The following ADAMTSL1 variants were observed in gnomAD, a reference collection of about 807,000 sequenced individuals.
The protein encoded by ADAMTSL1 is ADAMTS like 1.
ADAMTSL1 carries 126 observed loss-of-function variants against 201.8 expected under a neutral mutation model. The ratio of observed to expected loss-of-function variants is 0.62; its 90% CI spans 0.54 to 0.72. The LOEUF is 0.72. ADAMTSL1 is among the 30% of genes least tolerant of loss of function. ADAMTSL1 has a pLI of 0.00. For synonymous variants in ADAMTSL1, 1,121 were observed against 903.4 expected (o/e 1.24, Z -4.32); for missense variants, 2,679 against 2,277.8 (o/e 1.18, Z -3.59).
intron 2 of ADAMTSL1, among the ~76,000 whole-genome samples, chr9:18,365,705 G>C (rs1473687802): frequency 6.6e-6 from 1 of 152,000 alleles, no homozygotes; most frequent in Non-Finnish European, 1.5e-5. Flanking sequence ...AAAGAAAATG[G>C]GGGAGCACGA....
In ADAMTSL1 at chr9:18,615,422, C is replaced by T. The variant is rs74476171; in HGVS notation, c.475-6821C>T. On this transcript the variant is annotated intron_variant, in intron 4 of 28. Coordinates refer to ENST00000380548, the MANE Select transcript of ADAMTSL1 (RefSeq NM_001040272.6). The stretch of plus-strand genomic sequence containing the variant: ...AGGCACAGATCACAGATGAAACCAT[C>T]GTTCATCCCTGTGCGTAAGTGTAGC... Among the ~76,000 whole-genome samples, 1,370 of 152,272 alleles carry T rather than the reference C, an allele frequency of 9.0e-3. 25 individuals carry two copies. The highest frequency in any genetic ancestry group is 0.032 in the African/African-American group (1,311 of 41,548).
At chr9:18,017,574 A>G (rs558240337) in intron 1 of ADAMTSL1, among the ~76,000 whole-genome samples, 4 of 151,948 alleles carry the variant, frequency 2.6e-5, no homozygotes, top group African/African-American at 7.2e-5. Context: ...GAAGCCATGT[A>G]TAGCTCCAAT....
At chr9:18,706,121 G>C (rs1243321831) in intron 13 of ADAMTSL1, among the ~76,000 whole-genome samples, 3 of 152,194 alleles carry the variant, frequency 2.0e-5, no homozygotes, top group African/African-American at 7.2e-5. Context: ...TGCTAAACTA[G>C]GGGTAGATTA....
At chr9:18,754,513 A>G (rs960295173) in intron 16 of ADAMTSL1, among the ~76,000 whole-genome samples, 11 of 152,268 alleles carry the variant, frequency 7.2e-5, no homozygotes, top group African/African-American at 2.4e-4. Flanking sequence ...TTCACTCTCA[A>G]AAGTGTCCCA....
chr9:17,931,118 C>G (rs530317501), intron 1 of ADAMTSL1, among the ~76,000 whole-genome samples: 7 of 152,270 alleles, frequency 4.6e-5, no homozygotes, highest in African/African-American at 1.7e-4. Context: ...TATTGCATGT[C>G]CCGTTCATAA....
chr9:18,258,969 C>A lies in ADAMTSL1; in HGVS notation c.207+94988C>A, dbSNP rs1014604315. Among the ~76,000 whole-genome samples the A allele has an allele frequency of 2.6e-5, 4 of 152,314 alleles. No homozygotes were observed. The East Asian group carries it at 7.7e-4, about 29-fold the overall frequency. On this transcript the variant is annotated intron_variant, in intron 2 of 29. Transcript: ENST00000680146. ...TCCTCAGTCCTTACCAGAATTGCCA[C>A]GATCATTCAACGCACTTGACGACTC...
At position 18,166,595 on chromosome 9, in the gene ADAMTSL1, T is replaced by C. The variant is rs572335540; in HGVS notation, c.207+2614T>C. ...GGGATGTTTGCCAACTGGAAATTGA[T>C]AGTTGTGGAAGTAACAAATGTATCC... is the stretch of plus-strand genomic sequence containing the variant. On this transcript the variant is annotated intron_variant, in intron 2 of 29. Coordinates refer to the ADAMTSL1 transcript ENST00000680146. Among the ~76,000 whole-genome samples, 3 of 152,026 alleles carry C rather than the reference T, an allele frequency of 2.0e-5. No homozygotes were observed. In the South Asian group the frequency reaches 6.2e-4, roughly 32 times the overall value.
Position 18,221,143 on chromosome 9 carries a change from C to T in ADAMTSL1, c.207+57162C>T, listed in dbSNP as rs552134367. On this transcript the variant is annotated intron_variant, in intron 2 of 29. Coordinates refer to the ADAMTSL1 transcript ENST00000680146. ...TCTAAATTAGTAGATATCATGCCTT[C>T]CTCCTGAAAGGCTGTAGAATGTTTA... Among the ~76,000 whole-genome samples, 129 of 152,268 alleles carry T rather than the reference C, an allele frequency of 8.5e-4. 1 individual carries two copies. The highest frequency in any genetic ancestry group is 6.8e-3 in the Middle Eastern group (2 of 294).
intron 14 of ADAMTSL1, among the ~76,000 whole-genome samples, chr9:18,708,419 T>C (rs1251066410): frequency 6.6e-6 from 1 of 152,224 alleles, no homozygotes; most frequent in African/African-American, 2.4e-5. Flanking sequence ...ACCTAAATTC[T>C]TCCAAATGAT....
At chr9:18,115,005 T>A (rs760795119) in intron 1 of ADAMTSL1, among the ~76,000 whole-genome samples, 8 of 152,184 alleles carry the variant, frequency 5.3e-5, no homozygotes, top group Non-Finnish European at 7.4e-5. Flanking sequence ...TCAATGATAA[T>A]TGAATCGATT....
intron 2 of ADAMTSL1, among the ~76,000 whole-genome samples, chr9:18,317,225 G>T (rs982514286): frequency 3.3e-5 from 5 of 152,048 alleles, no homozygotes; most frequent in Non-Finnish European, 5.9e-5. Context: ...TGATTACCAG[G>T]GGCTAGAGGA....
intron 20 of ADAMTSL1, among the ~76,000 whole-genome samples, chr9:18,808,139 G>C (rs1823280235): frequency 6.6e-6 from 1 of 152,040 alleles, no homozygotes; most frequent in South Asian, 2.1e-4. Context: ...ACCAGTTAAA[G>C]AAAAACTAAA....
intron 2 of ADAMTSL1, among the ~76,000 whole-genome samples, chr9:18,307,940 TGGAAGTAAA>T: frequency 6.6e-6 from 1 of 152,214 alleles, no homozygotes; most frequent in East Asian, 1.9e-4. Flanking sequence ...ACCACATAAT[TGGAAGTAAA>T]ACAGTCCTCA....
intron 14 of ADAMTSL1, among the ~76,000 whole-genome samples, chr9:18,707,896 C>G (rs1832321672): frequency 6.6e-6 from 1 of 152,142 alleles, no homozygotes; most frequent in Admixed American, 6.5e-5. Flanking sequence ...GCATTGAAAT[C>G]AACAACTGAT....
At chr9:18,865,726 C>T (rs1827488356) in intron 23 of ADAMTSL1, among the ~76,000 whole-genome samples, 1 of 152,126 alleles carries the variant, frequency 6.6e-6, no homozygotes, top group South Asian at 2.1e-4. Flanking sequence ...TATTTTCTTT[C>T]AGTGGTTAAG....
intron 2 of ADAMTSL1, among the ~76,000 whole-genome samples, chr9:18,347,010 A>C (rs1332565991): frequency 6.6e-6 from 1 of 152,178 alleles, no homozygotes; most frequent in Non-Finnish European, 1.5e-5. Context: ...AGACAAATAC[A>C]CAGAGCTCTG....
intron 2 of ADAMTSL1, among the ~76,000 whole-genome samples, chr9:18,257,904 A>G (rs2132520473): frequency 6.6e-6 from 1 of 152,378 alleles, no homozygotes; most frequent in South Asian, 2.1e-4. Flanking sequence ...GAAGGCACCT[A>G]GAATAGGAAA....
intron 2 of ADAMTSL1, among the ~76,000 whole-genome samples, chr9:18,271,354 G>A (rs1405416738): frequency 1.3e-5 from 2 of 151,878 alleles, no homozygotes; most frequent in African/African-American, 4.8e-5. Context: ...ACAACCCGGT[G>A]TGTGATGTTC....
chr9:18,173,394 T>C (rs1223164957), intron 2 of ADAMTSL1, among the ~76,000 whole-genome samples: 1 of 152,116 alleles, frequency 6.6e-6, no homozygotes, highest in East Asian at 1.9e-4. Context: ...GAACTGTGCC[T>C]CTAGTAAATA....
Sources: allele counts gnomAD v4.1 joint callset (sites outside exome capture counted in the v4.1 genomes callset), GRCh38; gene constraint gnomAD v4.1.1; transcripts MANE v1.5; gene names NCBI Gene and HGNC (gene_info 2026-07-23, HGNC 2026-07-21).